Variants in DMRT1 observed in about 807,000 individuals in gnomAD.
DMRT1 encodes doublesex- and mab-3-related transcription factor 1.
A neutral mutation model predicts 32.3 loss-of-function variants in DMRT1; 7 were observed. The ratio of observed to expected loss-of-function variants is 0.22; its 90% CI spans 0.12 to 0.41. DMRT1 has a LOEUF of 0.41. DMRT1 is among the 10% of genes least tolerant of loss of function. The pLI, the probability that DMRT1 is intolerant of heterozygous loss-of-function variation, is 1.00. For missense variants in DMRT1, 625 were observed against 500.5 expected (o/e 1.25, Z -2.37); for synonymous variants, 278 against 206.1 (o/e 1.35, Z -2.99).
At chr9:871,102 C>A (rs371577581) in intron 2 of DMRT1, among the ~76,000 whole-genome samples, 1 of 152,052 alleles carries the variant, frequency 6.6e-6, no homozygotes, top group Non-Finnish European at 1.5e-5. Context: ...ATGGGGCAAT[C>A]ATGGGCACAT....
Position 842,074 on chromosome 9 carries a change from G to T in DMRT1, c.236G>T (p.Cys79Phe). 6.5e-7 allele frequency: 1 copy of T among 1,546,124 alleles called. No individual in the cohort carries two copies. The change falls in exon 1 of 5, where the codon TGC (cysteine) becomes TTC (phenylalanine). Residue 79 changes from cysteine (C) to phenylalanine (F), a missense_variant. Around this residue, in one of 3 missense-constraint regions of DMRT1, gnomAD observed 201 missense variants for 152.0 expected, o/e 1.32. Transcript: ENST00000382276. ...KSPRLPKCAR[C>F]RNHGYASPLK... is the part of the protein sequence containing the mutation. ...CCGCGGCTGCCCAAGTGCGCACGCT[G>T]CAGGAACCACGGCTACGCCTCGCCG... is the stretch of plus-strand genomic sequence containing the variant.
chr9:968,305 CT>C lies in DMRT1; in HGVS notation c.*169del. 1.3e-6 allele frequency: 1 copy of C among 767,286 alleles called. No individual in the cohort carries two copies. 47.5% of individuals were successfully genotyped at this position (767,286 alleles called of 1,614,324 possible). On this transcript the variant is annotated 3_prime_UTR_variant, in exon 5 of 5. Coordinates refer to ENST00000382276, the MANE Select transcript of DMRT1 (RefSeq NM_021951.3). ...CAGAGGCTGTAACACATTTGTAATA[CT>C]TTAGGGTCCGTGACTACCATCTGCA...
intron 3 of DMRT1, among the ~76,000 whole-genome samples, chr9:907,338 C>T (rs1817811690): frequency 6.6e-6 from 1 of 152,232 alleles, no homozygotes; most frequent in Non-Finnish European, 1.5e-5. Flanking sequence ...AAGTCCGGGT[C>T]TGTATTTTAG....
chr9:874,827 A>C (rs1256260336), intron 2 of DMRT1, among the ~76,000 whole-genome samples: 1 of 74,444 alleles, frequency 1.3e-5, no homozygotes, highest in South Asian at 4.4e-4. Flanking sequence ...TTTTTTTTTG[A>C]GATGGAGTCT....
At chr9:907,524 A>C (rs757333150) in intron 3 of DMRT1, among the ~76,000 whole-genome samples, 2 of 152,192 alleles carry the variant, frequency 1.3e-5, no homozygotes, top group South Asian at 4.1e-4. Context: ...GGTTTTAGGA[A>C]AAGGAAACAT....
At chr9:888,563 G>A (rs1043066178) in intron 2 of DMRT1, among the ~76,000 whole-genome samples, 1 of 151,834 alleles carries the variant, frequency 6.6e-6, no homozygotes, top group African/African-American at 2.4e-5. Flanking sequence ...GCCTCCCAAA[G>A]TGCTGGGATT....
intron 2 of DMRT1, among the ~76,000 whole-genome samples, chr9:869,754 C>G (rs995465674): frequency 6.6e-6 from 1 of 152,010 alleles, no homozygotes; most frequent in African/African-American, 2.4e-5. Context: ...TCATTATTTT[C>G]TATTTTTTCT....
chr9:870,383 G>T (rs1399594759), intron 2 of DMRT1, among the ~76,000 whole-genome samples: 2 of 147,224 alleles, frequency 1.4e-5, no homozygotes, highest in Non-Finnish European at 3.0e-5. Flanking sequence ...TGGACAACAA[G>T]AATGAAACTC....
At chr9:872,580 G>A (rs1589481093) in intron 2 of DMRT1, among the ~76,000 whole-genome samples, 1 of 152,146 alleles carries the variant, frequency 6.6e-6, no homozygotes, top group East Asian at 1.9e-4. Flanking sequence ...CATACACTGT[G>A]GGATTATTTG....
intron 4 of DMRT1, among the ~76,000 whole-genome samples, chr9:937,159 T>A (rs1295352572): frequency 6.6e-6 from 1 of 152,250 alleles, no homozygotes; most frequent in Non-Finnish European, 1.5e-5. Flanking sequence ...TCATCCATGT[T>A]GTGGCATGTG....
chr9:873,654 G>A (rs1195215444), intron 2 of DMRT1, among the ~76,000 whole-genome samples: 1 of 152,134 alleles, frequency 6.6e-6, no homozygotes, highest in Admixed American at 6.6e-5. Context: ...TTATCGCTAG[G>A]TCTTGTGAAT....
intron 4 of DMRT1, among the ~76,000 whole-genome samples, chr9:930,864 C>T (rs527549466): frequency 4.6e-4 from 70 of 152,284 alleles, no homozygotes; most frequent in African/African-American, 1.6e-3. Flanking sequence ...ATAACTGCTT[C>T]ATTAAAATAT....
intron 2 of DMRT1, among the ~76,000 whole-genome samples, chr9:859,212 C>G (rs2132572227): frequency 6.6e-6 from 1 of 152,284 alleles, no homozygotes; most frequent in Admixed American, 6.5e-5. Flanking sequence ...GTATTGCTGA[C>G]TTCTTCCTTT....
intron 2 of DMRT1, among the ~76,000 whole-genome samples, chr9:866,857 T>C (rs1034907227): frequency 3.9e-5 from 6 of 152,180 alleles, no homozygotes; most frequent in African/African-American, 1.4e-4. Context: ...GATGGAATTA[T>C]GAGTTACAGG....
chr9:940,522 T>C (rs1819029788), intron 4 of DMRT1, among the ~76,000 whole-genome samples: 1 of 152,164 alleles, frequency 6.6e-6, no homozygotes, highest in Non-Finnish European at 1.5e-5. Flanking sequence ...GTTGGAGTCT[T>C]ACCTTATACC....
chr9:842,333 C>A lies in DMRT1; in HGVS notation c.354+141C>A, dbSNP rs1419913794. 4 of 1,106,446 alleles carry A rather than the reference C, an allele frequency of 3.6e-6. No individual in the cohort carries two copies. In the South Asian group the frequency reaches 6.3e-5, roughly 17 times the overall value. The allele number at this position is 1,106,446 out of a possible 1,614,324, so 68.5% of individuals were successfully genotyped here. ...CACTGCAACCTCCGCTTCCCGGGTT[C>A]AAGCAATTCTCCTGCCTCAGCCTCC... On this transcript the variant is annotated intron_variant, in intron 1 of 4. Coordinates refer to ENST00000382276, the MANE Select transcript of DMRT1 (RefSeq NM_021951.3).
chr9:936,810 A>AT (rs1293716237), intron 4 of DMRT1, among the ~76,000 whole-genome samples: 1 of 151,898 alleles, frequency 6.6e-6, no homozygotes, highest in Non-Finnish European at 1.5e-5. Flanking sequence ...TTCTTATTAC[A>AT]TTTTTTCTTA....
At chr9:910,379 G>C (rs16925792) in intron 3 of DMRT1, among the ~76,000 whole-genome samples, 13,739 of 151,240 alleles carry the variant, frequency 0.091, 1,257 homozygotes, top group African/African-American at 0.21. Context: ...GCAGCCATGC[G>C]ATGTTTAGTA....
chr9:902,638 G>T (rs995761746), intron 3 of DMRT1, among the ~76,000 whole-genome samples: 1 of 151,590 alleles, frequency 6.6e-6, no homozygotes, highest in Admixed American at 6.6e-5. Flanking sequence ...ACAGGCACAC[G>T]CCACCATACC....
Sources: allele counts gnomAD v4.1 joint callset (sites outside exome capture counted in the v4.1 genomes callset), GRCh38; gene constraint gnomAD v4.1.1; regional missense constraint gnomAD v4.1.1; transcripts MANE v1.5; gene names NCBI Gene and HGNC (gene_info 2026-07-23, HGNC 2026-07-21).